CLRN1: variants seen among roughly 807,000 people sequenced by gnomAD.
CLRN1 encodes the protein clarin 1, also known as clarin-1.
Under a neutral mutation model 18.7 loss-of-function variants are expected in CLRN1, and 15 were observed. The ratio of observed to expected loss-of-function variants is 0.80; its 90% CI spans 0.54 to 1.23. The LOEUF (loss-of-function observed/expected upper bound fraction) is 1.23, where lower values mean the gene tolerates loss of function less well. CLRN1 is among the 50% of genes most tolerant of loss of function. CLRN1 has a pLI of 0.00. For missense variants in CLRN1, 311 were observed against 277.5 expected (o/e 1.12, Z -0.86); for synonymous variants, 104 against 102.9 (o/e 1.01, Z -0.07).
intron 2 of CLRN1, among the ~76,000 whole-genome samples, chr3:150,935,090 G>C (rs989796799): frequency 4.0e-5 from 6 of 151,538 alleles, no homozygotes; most frequent in Admixed American, 2.0e-4. Context: ...AAAATTAACT[G>C]TCAGTGTTCT....
chr3:150,932,862 T>A (rs1025146060), intron 2 of CLRN1, among the ~76,000 whole-genome samples: 8 of 152,326 alleles, frequency 5.3e-5, no homozygotes, highest in African/African-American at 1.9e-4. Context: ...GAGATTGTGA[T>A]GGCAAGCAAT....
intron 2 of CLRN1, among the ~76,000 whole-genome samples, chr3:150,939,766 C>T (rs947013608): frequency 1.3e-5 from 2 of 152,174 alleles, no homozygotes; most frequent in Non-Finnish European, 2.9e-5. Flanking sequence ...CACCCGGATC[C>T]ACCTGTTTGG....
At chr3:150,967,033 A>G (rs1055909067) in intron 1 of CLRN1, among the ~76,000 whole-genome samples, 10 of 152,194 alleles carry the variant, frequency 6.6e-5, no homozygotes, top group African/African-American at 1.4e-4. Flanking sequence ...ATTTTCTCAA[A>G]GCGTAATCTC....
chr3:150,961,650 G>A (rs1055372637), intron 1 of CLRN1, among the ~76,000 whole-genome samples: 1 of 152,114 alleles, frequency 6.6e-6, no homozygotes. Context: ...ATAAAAGGAT[G>A]TGTTTTTTAA....
chr3:150,926,529 A>G, downstream of CLRN1: 1 of 497,120 alleles, frequency 2.0e-6, no homozygotes, highest in Non-Finnish European at 3.7e-6. Context: ...TCTTCTAGAA[A>G]TTGTCCAGGT....
At chr3:150,962,459 TA>T (rs1215649608) in intron 1 of CLRN1, among the ~76,000 whole-genome samples, 5 of 152,264 alleles carry the variant, frequency 3.3e-5, no homozygotes, top group Non-Finnish European at 7.3e-5. Context: ...CGTTTGTTTT[TA>T]TTTTTTTTCA....
At chr3:150,951,986 G>A (rs1714507222) in intron 1 of CLRN1, among the ~76,000 whole-genome samples, 1 of 152,130 alleles carries the variant, frequency 6.6e-6, no homozygotes, top group Non-Finnish European at 1.5e-5. Flanking sequence ...GGGCAGGGAC[G>A]ACATCCAAAC....
At chr3:150,971,824 ATCTC>A (rs1356316304) in intron 1 of CLRN1, among the ~76,000 whole-genome samples, 2 of 152,214 alleles carry the variant, frequency 1.3e-5, no homozygotes, top group Non-Finnish European at 2.9e-5. Context: ...CAACAAGAAA[ATCTC>A]TCTCATATTC....
chr3:150,966,153 A>T (rs558996276), intron 1 of CLRN1, among the ~76,000 whole-genome samples: 4 of 152,258 alleles, frequency 2.6e-5, no homozygotes, highest in African/African-American at 4.8e-5. Flanking sequence ...CTACAAAAAA[A>T]TTTTTTAAAA....
Position 150,927,848 on chromosome 3 carries a change from C to G in CLRN1, c.*88G>C. 2.7e-6 allele frequency: 4 copies of G among 1,462,348 alleles called. No individual in the cohort carries two copies. Among genetic ancestry groups the G allele is most frequent in the Non-Finnish European group, 3.8e-6 (4 of 1,045,252 alleles). The allele number at this position is 1,462,348 out of a possible 1,614,324, so 90.6% of individuals were successfully genotyped here. ...AAGGGTCCTGATGCTTTAATATATG[C>G]AGACTAAAAGGATATGCAAAATTAA... On this transcript the variant is annotated 3_prime_UTR_variant, in exon 3 of 3. Transcript: ENST00000327047.
chr3:150,964,600 G>T (rs1036870743), intron 1 of CLRN1, among the ~76,000 whole-genome samples: 4 of 152,152 alleles, frequency 2.6e-5, no homozygotes, highest in Non-Finnish European at 4.4e-5. Flanking sequence ...AAAGACATAT[G>T]CCCACATATG....
At chr3:150,956,928 A>C (rs1214723305) in intron 1 of CLRN1, among the ~76,000 whole-genome samples, 1 of 152,158 alleles carries the variant, frequency 6.6e-6, no homozygotes, top group Admixed American at 6.6e-5. Flanking sequence ...AATATCTTGT[A>C]AACTAAACTC....
At chr3:150,945,386 A>G in intron 1 of CLRN1, 1 of 516,342 alleles carries the variant, frequency 1.9e-6, no homozygotes, top group Non-Finnish European at 2.8e-6. Context: ...GTAAGTAGTC[A>G]TCTGTACAAA....
chr3:150,941,533 G>T (rs762944540), intron 2 of CLRN1, 49 bp downstream of exon 2: 2 of 1,568,746 alleles, frequency 1.3e-6, no homozygotes, highest in South Asian at 2.2e-5. Flanking sequence ...CGGTCTTTTT[G>T]ACATATTGAA....
rs9683040 is a variant in CLRN1 at position 150,935,750 on chromosome 3, T to C, written c.433+5832A>G. 7.3e-3 allele frequency among the ~76,000 whole-genome samples: 1,099 copies of C among 151,028 alleles called. 9 individuals are homozygous for C. Among genetic ancestry groups the C allele is most frequent in the South Asian group, 0.012 (57 of 4,664 alleles). ...CTTCCCCAATGGTTGAACTAGTTTA[T>C]AGTCCCACCAACAGTGTAAAAGTGT... On this transcript the variant is annotated intron_variant, in intron 2 of 2. Coordinates refer to ENST00000327047, the MANE Select transcript of CLRN1 (RefSeq NM_174878.3).
chr3:150,962,157 G>T (rs971325844), intron 1 of CLRN1, among the ~76,000 whole-genome samples: 6 of 152,138 alleles, frequency 3.9e-5, no homozygotes, highest in Non-Finnish European at 8.8e-5. Context: ...ATCCACAGGG[G>T]TATGATTATG....
chr3:150,967,881 C>T (rs562897837), intron 1 of CLRN1, among the ~76,000 whole-genome samples: 4 of 152,180 alleles, frequency 2.6e-5, no homozygotes, highest in Non-Finnish European at 2.9e-5. Context: ...TGCTTGCTCA[C>T]AGAAGTAGTT....
intron 1 of CLRN1, among the ~76,000 whole-genome samples, chr3:150,942,991 G>A (rs1203351593): frequency 2.0e-5 from 3 of 152,144 alleles, no homozygotes; most frequent in African/African-American, 7.2e-5. Flanking sequence ...AGACACACAA[G>A]GGAAGAAGCT....
At chr3:150,967,392 C>T (rs1715315226) in intron 1 of CLRN1, among the ~76,000 whole-genome samples, 1 of 150,166 alleles carries the variant, frequency 6.7e-6, no homozygotes, top group Non-Finnish European at 1.5e-5. Flanking sequence ...CCATTAATTG[C>T]TTTTTTTTTA....
Sources: allele counts gnomAD v4.1 joint callset (sites outside exome capture counted in the v4.1 genomes callset), GRCh38; gene constraint gnomAD v4.1.1; transcripts MANE v1.5; gene names NCBI Gene and HGNC (gene_info 2026-07-23, HGNC 2026-07-21).